BAIAP3: variants seen among roughly 807,000 people sequenced by gnomAD.
The protein encoded by BAIAP3 is BAI1-associated protein 3.
Under a neutral mutation model 149.7 loss-of-function variants are expected in BAIAP3, and 180 were observed. The observed-to-expected ratio is 1.20, with a 90% CI of 1.07 to 1.36. The LOEUF (loss-of-function observed/expected upper bound fraction) is 1.36, where lower values mean the gene tolerates loss of function less well. Among genes scored for constraint, BAIAP3 ranks in the 40% most tolerant of loss-of-function variants. BAIAP3 has a pLI of 0.00. For synonymous variants in BAIAP3, 845 were observed against 670.7 expected (o/e 1.26, Z -4.02); for missense variants, 1,767 against 1,563.4 (o/e 1.13, Z -2.20).
chr16:1,344,397 C>A, intron 17 of BAIAP3, 72 bp from the exon 18 acceptor site: 1 of 1,609,786 alleles, frequency 6.2e-7, no homozygotes, highest in Non-Finnish European at 8.5e-7. Context: ...TGCACCTCTG[C>A]ACCACGGTCT....
At position 1,347,571 on chromosome 16, in the gene BAIAP3, C is replaced by G. The variant is rs2034465145; in HGVS notation, c.2850C>G (p.His950Gln). Residue 950 changes from histidine (H) to glutamine (Q), a missense_variant, in exon 30 of 34, where the codon CAC becomes CAG. His to Gln is a conservative substitution (Grantham distance 24). Coordinates refer to ENST00000426824, the MANE Select transcript of BAIAP3 (RefSeq NM_001199097.2). ...GGCTGAAGGAGGAGCTGCGGCTGCA[C>G]AAATGTTCCACCCGCGAGTGCATCG... ...YKRLKEELRL[H>Q]KCSTRECIEQ... 6.2e-7 allele frequency: 1 copy of G among 1,612,074 alleles called. No homozygotes were observed. Among genetic ancestry groups the G allele is most frequent in the Non-Finnish European group, 8.5e-7 (1 of 1,179,572 alleles).
In BAIAP3 at chr16:1,339,261, G is replaced by C; in HGVS notation, c.300+17G>C. On this transcript the variant is annotated intron_variant, in intron 4 of 33. Coordinates refer to ENST00000426824, the MANE Select transcript of BAIAP3 (RefSeq NM_001199097.2). ...CCAGAGGAGGTAAAGGTGGGGGTCG[G>C]AACCAGGGGCAGTCGTCTGCAGCGG... 2 of 1,555,710 alleles carry C rather than the reference G, an allele frequency of 1.3e-6. No individual in the cohort carries two copies. The highest frequency in any genetic ancestry group is 1.7e-6 in the Non-Finnish European group (2 of 1,152,224).
intron 1 of BAIAP3, among the ~76,000 whole-genome samples, chr16:1,334,146 C>A (rs894105340): frequency 6.6e-6 from 1 of 151,860 alleles, no homozygotes; most frequent in Admixed American, 6.5e-5. Context: ...CTCCCAGCAC[C>A]CCTCCCGGGC....
At chr16:1,347,847 G>C (rs978705992) in intron 31 of BAIAP3, 26 bp downstream of exon 31, 2 of 1,605,156 alleles carry the variant, frequency 1.2e-6, no homozygotes, top group Non-Finnish European at 1.7e-6. Flanking sequence ...GACGGGTCGG[G>C]TGGTGGTGGG....
At chr16:1,346,823 G>A (rs748139283) in intron 27 of BAIAP3, 24 bp from the exon 28 acceptor site, 19 of 1,564,052 alleles carry the variant, frequency 1.2e-5, no homozygotes, top group Non-Finnish European at 1.5e-5. Context: ...GGGCTGGCCC[G>A]TGGTCACTGA....
chr16:1,339,623 G>A lies in BAIAP3; in HGVS notation c.408+20G>A, dbSNP rs373188358. The A allele has an allele frequency of 1.9e-5, 30 of 1,578,006 alleles. No homozygotes were observed. The highest frequency in any genetic ancestry group is 1.9e-4 in the Admixed American group (11 of 58,036). On this transcript the variant is annotated intron_variant, in intron 5 of 33. Coordinates refer to ENST00000426824, the MANE Select transcript of BAIAP3 (RefSeq NM_001199097.2). ...CAGCAGGTCAGCCCACCCTGACCCC[G>A]ACCCAGACCCTGACAGCTTCCCCAC...
rs2034524802 is a variant in BAIAP3, at chr16:1,348,219, T to C, written c.3273T>C (p.Thr1091=). Residue 1091 remains threonine (T), a synonymous_variant, in exon 33 of 34, where the codon ACT becomes ACC. Coordinates refer to ENST00000426824, the MANE Select transcript of BAIAP3 (RefSeq NM_001199097.2). ...GEAALGLGGV[T]GVARPQVGGG... is the part of the protein sequence containing the mutation. ...CGGCCCTCGGCCTAGGTGGCGTCACTGGTGTCGCCCGGCCCCAGGTGGGCG... is the reference window on the plus strand; with the variant it reads ...CGGCCCTCGGCCTAGGTGGCGTCACCGGTGTCGCCCGGCCCCAGGTGGGCG... 2.5e-6 allele frequency: 4 copies of C among 1,608,204 alleles called. No individual in the cohort carries two copies. Among genetic ancestry groups the C allele is most frequent in the Non-Finnish European group, 3.4e-6 (4 of 1,179,178 alleles).
chr16:1,345,205 G>T, intron 21 of BAIAP3, 44 bp from the exon 22 acceptor site: 1 of 1,610,322 alleles, frequency 6.2e-7, no homozygotes, highest in South Asian at 1.1e-5. Context: ...TGCTGGTTAA[G>T]GTGTCTGAGT....
intron 1 of BAIAP3, among the ~76,000 whole-genome samples, chr16:1,334,120 C>A (rs1057418051): frequency 2.6e-5 from 4 of 151,968 alleles, no homozygotes; most frequent in South Asian, 2.1e-4. Flanking sequence ...CCCGGGGGAG[C>A]AGACGGGCCC....
At position 1,345,728 on chromosome 16, in the gene BAIAP3, G is replaced by T. The variant is rs1370717819; in HGVS notation, c.2065-19G>T. 1 of 1,238,620 alleles carries T rather than the reference G, an allele frequency of 8.1e-7. No homozygotes were observed. The highest frequency in any genetic ancestry group is 6.0e-5 in the East Asian group (1 of 16,638). 76.7% of individuals were successfully genotyped at this position (1,238,620 alleles called of 1,614,324 possible). A position where few individuals can be genotyped will look rare whatever the true frequency, so the allele number is the denominator to read the frequency against. The stretch of plus-strand genomic sequence containing the variant: ...CTCCCCTGCCTCCCCAGCAAACCCA[G>T]CCTCCCCTGCCTCCCTAGCTGGAGC... On this transcript the variant is annotated intron_variant, in intron 22 of 33. Coordinates refer to ENST00000426824, the MANE Select transcript of BAIAP3 (RefSeq NM_001199097.2).
chr16:1,335,335 G>A (rs1034279761), intron 1 of BAIAP3, among the ~76,000 whole-genome samples: 1 of 152,210 alleles, frequency 6.6e-6, no homozygotes, highest in Non-Finnish European at 1.5e-5. Flanking sequence ...CTGGACAGAT[G>A]GGAGTGTGGT....
rs185785616 is a variant in BAIAP3 at position 1,344,343 on chromosome 16, C to T, written c.1602+26C>T. 230 of 1,613,240 alleles carry T rather than the reference C, an allele frequency of 1.4e-4. 1 individual carries two copies. In the African/African-American group the frequency reaches 2.4e-3, roughly 17 times the overall value. On this transcript the variant is annotated intron_variant, in intron 17 of 33. Transcript: ENST00000426824. ...GTGTGTTCCAAAGCCCAGTGGAGGC[C>T]GGCTGCTAAGCCCTCCCTTCCCCTT...
chr16:1,335,180 T>A (rs769465122), intron 1 of BAIAP3, among the ~76,000 whole-genome samples: 5 of 152,132 alleles, frequency 3.3e-5, no homozygotes, highest in Non-Finnish European at 7.4e-5. Context: ...GGCTGTGAAA[T>A]GAGATGTGCC....
At chr16:1,338,839 T>A in intron 2 of BAIAP3, 63 bp from the exon 3 acceptor site, 1 of 1,599,558 alleles carries the variant, frequency 6.3e-7, no homozygotes, top group Non-Finnish European at 8.5e-7. Flanking sequence ...GCCCCTGGAG[T>A]CGAGGGTCCC....
At chr16:1,339,655 C>T (rs1181635533) in intron 5 of BAIAP3, 52 bp downstream of exon 5, 3 of 1,372,232 alleles carry the variant, frequency 2.2e-6, no homozygotes, top group South Asian at 2.4e-5. Flanking sequence ...CCACCTCAAC[C>T]CCTTCCCCAC....
chr16:1,346,840 C>T lies in BAIAP3; in HGVS notation c.2643-7C>T, dbSNP rs1333004001. The T allele has an allele frequency of 6.3e-7, 1 of 1,589,326 alleles. No individual in the cohort carries two copies. The highest frequency in any genetic ancestry group is 8.5e-7 in the Non-Finnish European group (1 of 1,170,940). ...GCTGGCCCGTGGTCACTGATGCTGC[C>T]CTGCAGGGTGCTGGAGGCCCTGTGG... On this transcript the variant is annotated splice_polypyrimidine_tract_variant and splice_region_variant and intron_variant, in intron 27 of 33. Transcript: ENST00000426824.
chr16:1,341,011 G>T, intron 6 of BAIAP3, 30 bp downstream of exon 6: 1 of 1,607,686 alleles, frequency 6.2e-7, no homozygotes, highest in South Asian at 1.1e-5. Context: ...GGCAGGCACT[G>T]ACCAGCACGT....
At chr16:1,343,169 G>A in intron 14 of BAIAP3, 153 bp downstream of exon 14, 2 of 1,098,968 alleles carry the variant, frequency 1.8e-6, no homozygotes, top group Non-Finnish European at 2.6e-6. Context: ...GATTGGGCGG[G>A]AAGGGAAGGG....
intron 1 of BAIAP3, among the ~76,000 whole-genome samples, chr16:1,336,808 C>T (rs994074155): frequency 1.3e-5 from 2 of 152,198 alleles, no homozygotes; most frequent in East Asian, 1.9e-4. Flanking sequence ...TCTCCTGTCC[C>T]GTGAGAATGA....
Sources: gnomAD v4.1 joint callset for allele counts (sites outside exome capture counted in the v4.1 genomes callset) on GRCh38, gnomAD v4.1.1 for gene constraint, MANE v1.5 for transcripts, NCBI Gene and HGNC (gene_info 2026-07-23, HGNC 2026-07-21) for gene names.